The following EXOSC5 variants were observed in gnomAD, a reference collection of about 807,000 sequenced individuals.
EXOSC5 encodes exosome complex component RRP46.
EXOSC5 carries 15 observed loss-of-function variants against 23.7 expected under a neutral mutation model. The ratio of observed to expected loss-of-function variants is 0.63; its 90% CI spans 0.42 to 0.97. The LOEUF (loss-of-function observed/expected upper bound fraction) is 0.97. EXOSC5 is among the 50% of genes least tolerant of loss of function. The pLI, the probability that EXOSC5 is intolerant of heterozygous loss-of-function variation, is 0.00. For synonymous variants in EXOSC5, 143 were observed against 140.9 expected (o/e 1.02, Z -0.11); for missense variants, 305 against 316.3 (o/e 0.96, Z 0.27).
Position 41,389,800 on chromosome 19 carries a change from T to C in EXOSC5, c.490A>G (p.Thr164Ala). 1 of 1,613,976 alleles carries C rather than the reference T, an allele frequency of 6.2e-7. No individual in the cohort carries two copies. Among genetic ancestry groups the C allele is most frequent in the Non-Finnish European group, 8.5e-7 (1 of 1,179,974 alleles). ...TTGGATGTAGGATCCAGCACGAGGG[T>C]CCCATCAGAGTCCAGGGCGCAGGCG... ...GVACALDSDG[T>A]LVLDPTSKQE... Residue 164 changes from threonine (T) to alanine (A), a missense_variant, in exon 4 of 6, where the codon ACC (threonine) becomes GCC (alanine). Transcript: ENST00000221233.
intron 4 of EXOSC5, among the ~76,000 whole-genome samples, chr19:41,388,541 G>C (rs1351394821): frequency 6.6e-6 from 1 of 152,206 alleles, no homozygotes; most frequent in Non-Finnish European, 1.5e-5. Context: ...CAGAACAGGA[G>C]GTGGCTCGCA....
chr19:41,386,522 G>T lies in EXOSC5; in HGVS notation c.*111C>A. The T allele has an allele frequency of 9.3e-7, 1 of 1,077,632 alleles. No individual in the cohort carries two copies. Among genetic ancestry groups the T allele is most frequent in the Non-Finnish European group, 1.3e-6 (1 of 750,116 alleles). 66.8% of individuals were successfully genotyped at this position (1,077,632 alleles called of 1,614,324 possible). On this transcript the variant is annotated 3_prime_UTR_variant, in exon 6 of 6. Transcript: ENST00000221233. Reference sequence around the variant, plus strand: ...GGAGCCCTGTGGTTACAGAGCTGCAGGCTCAAGGAGCCCATGGGTCAGAGA... The same window carrying T: ...GGAGCCCTGTGGTTACAGAGCTGCATGCTCAAGGAGCCCATGGGTCAGAGA...
At chr19:41,395,021 G>C (rs1227510749) in intron 1 of EXOSC5, among the ~76,000 whole-genome samples, 3 of 142,632 alleles carry the variant, frequency 2.1e-5, no homozygotes, top group Non-Finnish European at 4.5e-5. Flanking sequence ...GCGACAGGGC[G>C]AGACTCCATC....
At position 41,386,569 on chromosome 19, in the gene EXOSC5, T is replaced by G. The variant is rs2038985423; in HGVS notation, c.*64A>C. On this transcript the variant is annotated 3_prime_UTR_variant, in exon 6 of 6. Transcript: ENST00000221233. The stretch of plus-strand genomic sequence containing the variant: ...GAGAGGCAAGGCTGGGCTGCTGGTT[T>G]GCTTCAGGCTGTAGGGGGTGAGTGG... 4 of 1,495,076 alleles carry G rather than the reference T, an allele frequency of 2.7e-6. No homozygotes were observed. The East Asian group carries it at 9.9e-5, about 37-fold the overall frequency. The allele number at this position is 1,495,076 out of a possible 1,614,324, so 92.6% of individuals were successfully genotyped here.
At chr19:41,394,908 C>T (rs62117462) in intron 1 of EXOSC5, among the ~76,000 whole-genome samples, 87,612 of 151,546 alleles carry the variant, frequency 0.58, 25,569 homozygotes, top group Middle Eastern at 0.6. Flanking sequence ...GTGGCACGCA[C>T]CTGTGGTCCC....
Position 41,387,517 on chromosome 19 carries a change from A to G in EXOSC5, c.612T>C (p.Thr204=), listed in dbSNP as rs1208555133. ...CCCCTCATCCCCATGCTGGTACCTCAGTGTCTGAGTAGAGCCCCTTGGTGC... is the reference window on the plus strand; with the variant it reads ...CCCCTCATCCCCATGCTGGTACCTCGGTGTCTGAGTAGAGCCCCTTGGTGC... ...MSSTKGLYSD[T]ELQQCLAAAQ... Residue 204 remains threonine, a synonymous_variant, in exon 5 of 6, where the codon ACT becomes ACC. Transcript: ENST00000221233. The G allele has an allele frequency of 1.3e-6, 2 of 1,597,384 alleles. No homozygotes were observed. Among genetic ancestry groups the G allele is most frequent in the Non-Finnish European group, 1.7e-6 (2 of 1,172,794 alleles).
At chr19:41,392,127 C>G (rs2039027684) in intron 2 of EXOSC5, 165 bp from the exon 3 acceptor site, 2 of 942,114 alleles carry the variant, frequency 2.1e-6, no homozygotes, top group Non-Finnish European at 3.0e-6. Context: ...CAAGGCCTGA[C>G]TGCCATCCAC....
In EXOSC5 at chr19:41,386,636, G is replaced by C; in HGVS notation, c.705C>G (p.Ser235Arg). ...CGGCCCCTTGCCCCAGCTTGCCTCA[G>C]CTCTTGGAGTAACGCCTCTGCAGCG... ...RESLQRRYSK[S>R] The change falls in exon 6 of 6, where the codon AGC becomes AGG. Residue 235 changes from serine to arginine, a missense_variant. Ser to Arg is a moderately radical substitution (Grantham distance 110). Coordinates refer to ENST00000221233, the MANE Select transcript of EXOSC5 (RefSeq NM_020158.4). The C allele has an allele frequency of 6.3e-7, 1 of 1,585,504 alleles. No homozygotes were observed. The highest frequency in any genetic ancestry group is 1.2e-5 in the South Asian group (1 of 86,850).
rs774465263 is a variant in EXOSC5 at position 41,392,885 on chromosome 19, G to A, written c.244C>T (p.Pro82Ser). Residue 82 changes from proline (P) to serine (S), a missense_variant, in exon 2 of 6, where the codon CCG (proline) becomes TCG (serine). Physicochemically the swap from Pro to Ser is moderately conservative, Grantham distance 74. Coordinates refer to ENST00000221233, the MANE Select transcript of EXOSC5 (RefSeq NM_020158.4). ...NKATLEVILR[P>S]KIGLPGVAEK... ...CAATTACCAGGCAGCCCAATCTTCG[G>A]CCTCAGGATCACTTCGAGTGTGGCC... is the stretch of plus-strand genomic sequence containing the variant. 14 of 1,613,818 alleles carry A rather than the reference G, an allele frequency of 8.7e-6. No homozygotes were observed. The East Asian group carries it at 3.1e-4, about 36-fold the overall frequency.
At chr19:41,386,747 G>A in intron 5 of EXOSC5, 22 bp from the exon 6 acceptor site, 1 of 1,558,616 alleles carries the variant, frequency 6.4e-7, no homozygotes, top group Non-Finnish European at 8.6e-7. Context: ...AGACTGGTCG[G>A]TGCTGGGGGC....
At position 41,387,504 on chromosome 19, in the gene EXOSC5, A is replaced by G. The variant is rs757620072; in HGVS notation, c.615+10T>C. 8 of 1,587,230 alleles carry G rather than the reference A, an allele frequency of 5.0e-6. No homozygotes were observed. The African/African-American group carries it at 1.1e-4, about 21-fold the overall frequency. Reference sequence around the variant, plus strand: ...GGTTCTGGCTTTTCCCCTCATCCCCATGCTGGTACCTCAGTGTCTGAGTAG... The same window carrying G: ...GGTTCTGGCTTTTCCCCTCATCCCCGTGCTGGTACCTCAGTGTCTGAGTAG... On this transcript the variant is annotated intron_variant, in intron 5 of 5. Coordinates refer to ENST00000221233, the MANE Select transcript of EXOSC5 (RefSeq NM_020158.4).
intron 4 of EXOSC5, among the ~76,000 whole-genome samples, chr19:41,388,967 T>G (rs926205464): frequency 6.6e-6 from 1 of 152,216 alleles, no homozygotes; most frequent in East Asian, 1.9e-4. Context: ...ATTTTATTTT[T>G]GAGAGTTTCA....
intron 1 of EXOSC5, among the ~76,000 whole-genome samples, chr19:41,395,562 A>G (rs1599942996): frequency 6.6e-6 from 1 of 152,104 alleles, no homozygotes; most frequent in African/African-American, 2.4e-5. Flanking sequence ...TGACCTCCAA[A>G]TGATCAACCC....
intron 1 of EXOSC5, 59 bp from the exon 2 acceptor site, chr19:41,393,039 G>C (rs2039035934): frequency 6.8e-7 from 1 of 1,480,406 alleles, no homozygotes; most frequent in South Asian, 1.1e-5. Context: ...GGCCCCATTT[G>C]TGGCACTGAG....
Position 41,397,304 on chromosome 19 carries a change from C to A in EXOSC5, c.25G>T (p.Ala9Ser). 6.2e-7 allele frequency: 1 copy of A among 1,613,838 alleles called. No individual in the cohort carries two copies. The highest frequency in any genetic ancestry group is 8.5e-7 in the Non-Finnish European group (1 of 1,179,758). ...GTTCCATTTTCAGCACGGATTTTGG[C>A]GTCAGTATGCGTCTCCTCCTCCATC... MEEETHTD[A>S]KIRAENGTGS... Residue 9 changes from alanine (A) to serine (S), a missense_variant, in exon 1 of 6, where the codon GCC becomes TCC. Transcript: ENST00000221233.
intron 3 of EXOSC5, among the ~76,000 whole-genome samples, chr19:41,390,541 G>A (rs1018168852): frequency 5.3e-5 from 8 of 152,332 alleles, no homozygotes; most frequent in South Asian, 2.1e-4. Flanking sequence ...TCAGAGAGGG[G>A]AAGAAACCTT....
chr19:41,387,533 C>G lies in EXOSC5; in HGVS notation c.596G>C (p.Gly199Ala). 1 of 1,603,848 alleles carries G rather than the reference C, an allele frequency of 6.2e-7. No individual in the cohort carries two copies. The highest frequency in any genetic ancestry group is 8.5e-7 in the Non-Finnish European group (1 of 1,175,896). ...ERKLLMSSTK[G>A]LYSDTELQQC... ...TGGTACCTCAGTGTCTGAGTAGAGC[C>G]CCTTGGTGCTGGACATCAGCAGCTT... is the stretch of plus-strand genomic sequence containing the variant. The change falls in exon 5 of 6, where the codon GGG (glycine) becomes GCG (alanine). Residue 199 changes from glycine (G) to alanine (A), a missense_variant. Gly to Ala is a moderately conservative substitution (Grantham distance 60). Transcript: ENST00000221233.
At chr19:41,390,433 C>G (rs1206308324) in intron 3 of EXOSC5, among the ~76,000 whole-genome samples, 1 of 152,208 alleles carries the variant, frequency 6.6e-6, no homozygotes, top group Non-Finnish European at 1.5e-5. Context: ...GTGACTTACT[C>G]CTTGAGTCTC....
chr19:41,392,990 C>T lies in EXOSC5; in HGVS notation c.149-10G>A, dbSNP rs775284494. ...AGGACAGAGGTGTCACCTGAGGAGA[C>T]AGCAGGGAGGGCCTCACTCACAGCT... On this transcript the variant is annotated splice_polypyrimidine_tract_variant and intron_variant, in intron 1 of 5. Transcript: ENST00000221233. 1.2e-6 allele frequency: 2 copies of T among 1,611,542 alleles called. No homozygotes were observed. The highest frequency in any genetic ancestry group is 2.2e-5 in the East Asian group (1 of 44,862).
Sources: allele counts gnomAD v4.1 joint callset (sites outside exome capture counted in the v4.1 genomes callset), GRCh38; gene constraint gnomAD v4.1.1; transcripts MANE v1.5; gene names NCBI Gene and HGNC (gene_info 2026-07-23, HGNC 2026-07-21).